MAF: variants seen among roughly 807,000 people sequenced by gnomAD.
MAF encodes MAF bZIP transcription factor.
Under a neutral mutation model 22.0 loss-of-function variants are expected in MAF, and 10 were observed. The ratio of observed to expected loss-of-function variants is 0.45; its 90% CI spans 0.28 to 0.77. The LOEUF (loss-of-function observed/expected upper bound fraction) is 0.77. Ranked by LOEUF, MAF falls within the 30% of genes least tolerant of loss-of-function variation. MAF has a pLI of 0.12. For missense variants in MAF, 544 were observed against 548.4 expected, an observed-to-expected ratio of 0.99 and a Z score of 0.08; for synonymous variants, 337 against 255.8, an observed-to-expected ratio of 1.32 and a Z score of -3.03.
chr16:79,592,361 C>T (rs1330269451), downstream of MAF, among the ~76,000 whole-genome samples: 2 of 152,182 alleles, frequency 1.3e-5, no homozygotes, highest in Non-Finnish European at 2.9e-5. Flanking sequence ...AAATGCTAGA[C>T]AGAGCTGGGT....
At chr16:79,255,816 G>C in the MAF span, among the ~76,000 whole-genome samples, 3 of 152,098 alleles carry the variant, frequency 2.0e-5, no homozygotes, top group African/African-American at 4.8e-5. Flanking sequence ...TCATCTGTGA[G>C]TGGGGATATT....
the MAF span, among the ~76,000 whole-genome samples, chr16:79,395,715 A>C: frequency 6.6e-6 from 1 of 152,206 alleles, no homozygotes; most frequent in Non-Finnish European, 1.5e-5. Flanking sequence ...CAGCCAACAC[A>C]ACTTGATTTT....
chr16:79,343,372 C>T, the MAF span, among the ~76,000 whole-genome samples: 1 of 152,132 alleles, frequency 6.6e-6, no homozygotes, highest in Admixed American at 6.5e-5. Context: ...TGAATGACCT[C>T]TTCAGAAAAG....
chr16:79,366,273 C>G, the MAF span, among the ~76,000 whole-genome samples: 2 of 152,114 alleles, frequency 1.3e-5, no homozygotes, highest in Non-Finnish European at 2.9e-5. Context: ...GCACACTAGA[C>G]TGTCATGGTA....
At chr16:79,417,780 T>C in the MAF span, among the ~76,000 whole-genome samples, 2 of 152,108 alleles carry the variant, frequency 1.3e-5, no homozygotes, top group Non-Finnish European at 2.9e-5. Flanking sequence ...AGCTTTTGGA[T>C]AAAATATCTC....
chr16:79,372,772 C>A, the MAF span, among the ~76,000 whole-genome samples: 1 of 152,204 alleles, frequency 6.6e-6, no homozygotes, highest in African/African-American at 2.4e-5. Context: ...CTGTCTGGTT[C>A]AGCTCCAACC....
At chr16:79,416,761 C>T in the MAF span, among the ~76,000 whole-genome samples, 26 of 152,270 alleles carry the variant, frequency 1.7e-4, no homozygotes, top group South Asian at 4.2e-4. Flanking sequence ...CATCCTATGA[C>T]CTGAAGCAGC....
chr16:79,426,262 C>T, the MAF span, among the ~76,000 whole-genome samples: 6 of 151,856 alleles, frequency 4.0e-5, no homozygotes, highest in Non-Finnish European at 8.8e-5. Flanking sequence ...TGCCGGATTT[C>T]GAAGACTTGG....
At chr16:79,431,033 T>C in the MAF span, among the ~76,000 whole-genome samples, 1 of 152,116 alleles carries the variant, frequency 6.6e-6, no homozygotes. Context: ...AATAGTTCCT[T>C]TGTGTGACAT....
At chr16:79,256,444 G>C in the MAF span, among the ~76,000 whole-genome samples, 11 of 152,180 alleles carry the variant, frequency 7.2e-5, no homozygotes, top group African/African-American at 2.6e-4. Flanking sequence ...GTACCTAATG[G>C]CACATTCAGG....
chr16:79,242,419 A>G, the MAF span, among the ~76,000 whole-genome samples: 2 of 152,030 alleles, frequency 1.3e-5, no homozygotes, highest in Non-Finnish European at 2.9e-5. Context: ...TCTGATAAAA[A>G]AAGACTTTAA....
chr16:79,308,831 G>T, the MAF span, among the ~76,000 whole-genome samples: 1 of 152,068 alleles, frequency 6.6e-6, no homozygotes, highest in African/African-American at 2.4e-5. Context: ...CTGGAACCTG[G>T]GTCCTCTCCA....
the MAF span, among the ~76,000 whole-genome samples, chr16:79,209,043 C>A: frequency 1.3e-5 from 2 of 151,968 alleles, no homozygotes; most frequent in African/African-American, 4.8e-5. Context: ...CTCCTGTGTA[C>A]TGTGTTCTAC....
At chr16:79,461,093 A>G in the MAF span, among the ~76,000 whole-genome samples, 12 of 152,210 alleles carry the variant, frequency 7.9e-5, no homozygotes, top group Non-Finnish European at 2.9e-5. Context: ...TAAAGTAGGC[A>G]TAACAGTAAC....
the MAF span, among the ~76,000 whole-genome samples, chr16:79,348,859 G>A: frequency 1.3e-5 from 2 of 152,168 alleles, no homozygotes; most frequent in African/African-American, 2.4e-5. Flanking sequence ...GGGCTAAATG[G>A]CAAGGTCCTG....
chr16:79,211,814 T>C, the MAF span: 90 of 1,613,770 alleles, frequency 5.6e-5, no homozygotes, highest in Admixed American at 5.0e-5. Context: ...TCAGAGCGGA[T>C]GGGCACACAC....
At chr16:79,213,823 G>C in the MAF span, among the ~76,000 whole-genome samples, 6 of 152,306 alleles carry the variant, frequency 3.9e-5, no homozygotes, top group South Asian at 4.1e-4. Context: ...AAGCCACTAA[G>C]TTTCAGGATT....
the MAF span, among the ~76,000 whole-genome samples, chr16:79,530,639 A>G: frequency 6.6e-6 from 1 of 152,124 alleles, no homozygotes; most frequent in Non-Finnish European, 1.5e-5. Flanking sequence ...TGTTAAGAAG[A>G]GTTTATCTAA....
At chr16:79,543,853 AT>A in the MAF span, among the ~76,000 whole-genome samples, 1 of 151,764 alleles carries the variant, frequency 6.6e-6, no homozygotes, top group African/African-American at 2.4e-5. Flanking sequence ...CGCCCGGCTA[AT>A]TTTTTATATT....
Sources: allele counts gnomAD v4.1 joint callset (sites outside exome capture counted in the v4.1 genomes callset), GRCh38; gene constraint gnomAD v4.1.1; transcripts MANE v1.5; gene names NCBI Gene and HGNC (gene_info 2026-07-23, HGNC 2026-07-21).